PDS5B: variants seen among roughly 807,000 people sequenced by gnomAD.
PDS5B encodes PDS5 cohesin associated factor B, also known as sister chromatid cohesion protein PDS5 homolog B.
Under a neutral mutation model 184.1 loss-of-function variants are expected in PDS5B, and 51 were observed. That is an observed-to-expected ratio of 0.28 (90% CI 0.22 to 0.35). The LOEUF is 0.35. PDS5B is among the 10% of genes least tolerant of loss of function. PDS5B has a pLI of 1.00. For missense variants in PDS5B, 1,180 were observed against 1,723.3 expected (o/e 0.68, Z 5.58); for synonymous variants, 566 against 569.2 (o/e 0.99, Z 0.08).
In PDS5B at chr13:32,696,812, G is replaced by GT. The variant is rs760388414; in HGVS notation, c.1552-40dup. On this transcript the variant is annotated intron_variant, in intron 14 of 34. Coordinates refer to ENST00000315596, the MANE Select transcript of PDS5B (RefSeq NM_015032.4). ...TTGCAGAGTATGATGAAGTTTTCTT[G>GT]TTAGGGAATTTTAATTTTGCATTTT... 6.0e-5 allele frequency: 87 copies of GT among 1,454,152 alleles called. No individual in the cohort carries two copies. In the African/African-American group the frequency reaches 9.5e-4, roughly 16 times the overall value. 90.1% of individuals were successfully genotyped at this position (1,454,152 alleles called of 1,614,324 possible).
At chr13:32,615,427 C>T (rs1347719031) in intron 1 of PDS5B, among the ~76,000 whole-genome samples, 1 of 149,484 alleles carries the variant, frequency 6.7e-6, no homozygotes, top group East Asian at 1.9e-4. Context: ...AGGAAGATCC[C>T]TGGTATACAA....
intron 1 of PDS5B, among the ~76,000 whole-genome samples, chr13:32,606,323 T>C (rs920611284): frequency 2.0e-5 from 3 of 152,212 alleles, no homozygotes; most frequent in Non-Finnish European, 4.4e-5. Flanking sequence ...CCTTCACTTA[T>C]GAAGCTTAGT....
chr13:32,590,089 T>C (rs558860474), intron 1 of PDS5B, among the ~76,000 whole-genome samples: 113 of 152,344 alleles, frequency 7.4e-4, no homozygotes, highest in African/African-American at 2.5e-3. Context: ...CTTTGAGGTT[T>C]AAAAAGTATA....
chr13:32,597,674 T>A (rs2057899573), intron 1 of PDS5B, among the ~76,000 whole-genome samples: 1 of 151,788 alleles, frequency 6.6e-6, no homozygotes, highest in African/African-American at 2.4e-5. Flanking sequence ...GGTGAAACCC[T>A]GTCTCTACTA....
chr13:32,764,683 A>G (rs1041913426), intron 31 of PDS5B, 89 bp downstream of exon 31: 7 of 627,708 alleles, frequency 1.1e-5, no homozygotes, highest in African/African-American at 1.9e-5. Flanking sequence ...TGACTATCAA[A>G]TTTACATTTT....
At chr13:32,627,399 C>G (rs899413020) in intron 1 of PDS5B, among the ~76,000 whole-genome samples, 1 of 152,178 alleles carries the variant, frequency 6.6e-6, no homozygotes, top group Non-Finnish European at 1.5e-5. Context: ...TTATTTGCAT[C>G]TCACAAGACA....
At chr13:32,667,871 A>G (rs1950842598) in intron 7 of PDS5B, 27 bp downstream of exon 7, 8 of 1,362,388 alleles carry the variant, frequency 5.9e-6, no homozygotes, top group Non-Finnish European at 7.1e-6. Flanking sequence ...ATTGGTTGTC[A>G]GAAGGATTAA....
At chr13:32,670,320 G>A (rs149621247) in intron 7 of PDS5B, among the ~76,000 whole-genome samples, 1 of 152,068 alleles carries the variant, frequency 6.6e-6, no homozygotes, top group African/African-American at 2.4e-5. Flanking sequence ...AGGCTCAAGT[G>A]ATCCTCTCAC....
intron 1 of PDS5B, among the ~76,000 whole-genome samples, chr13:32,610,646 A>T (rs544007225): frequency 6.6e-6 from 1 of 151,200 alleles, no homozygotes; most frequent in African/African-American, 2.4e-5. Context: ...TAAAAATCTA[A>T]TTTTTTCCTT....
intron 10 of PDS5B, among the ~76,000 whole-genome samples, chr13:32,681,625 C>CAA (rs1215027589): frequency 7.4e-6 from 1 of 135,048 alleles, no homozygotes. Flanking sequence ...GACTCAGTCT[C>CAA]AAAAAAAAAA....
intron 1 of PDS5B, among the ~76,000 whole-genome samples, chr13:32,632,004 A>C (rs2058463724): frequency 6.6e-6 from 1 of 152,196 alleles, no homozygotes; most frequent in Non-Finnish European, 1.5e-5. Flanking sequence ...GGACAACTGG[A>C]TTTCCACATG....
In PDS5B at chr13:32,736,111, T is replaced by G. The variant is rs1953319671; in HGVS notation, c.2406+781T>G. 3.3e-5 allele frequency among the ~76,000 whole-genome samples: 5 copies of G among 152,304 alleles called. No individual in the cohort carries two copies. In the South Asian group the frequency reaches 1.0e-3, roughly 32 times the overall value. On this transcript the variant is annotated intron_variant, in intron 21 of 34. Coordinates refer to ENST00000315596, the MANE Select transcript of PDS5B (RefSeq NM_015032.4). Reference sequence around the variant, plus strand: ...AACTTTCAGTATAGCACAAGGAACTTCAAAATACTTTAATTCCTTTTATTC... The same window carrying G: ...AACTTTCAGTATAGCACAAGGAACTGCAAAATACTTTAATTCCTTTTATTC...
In PDS5B at chr13:32,732,363, T is replaced by C. The variant is rs58963469; in HGVS notation, c.2247+139T>C. The C allele has an allele frequency of 1.4e-3, 882 of 627,798 alleles. 3 individuals are homozygous for C. In the African/African-American group the frequency reaches 0.015, roughly 10 times the overall value. The allele number at this position is 627,798 out of a possible 1,614,324, so 38.9% of individuals were successfully genotyped here. ...AGAATTTGAATCAGTAAAATCAACA[T>C]TGATAAGTGTTAAAATATGAAAATA... On this transcript the variant is annotated intron_variant, in intron 20 of 34. Transcript: ENST00000315596.
chr13:32,679,079 GA>G, intron 10 of PDS5B, 150 bp downstream of exon 10: 3 of 437,636 alleles, frequency 6.9e-6, no homozygotes, highest in Non-Finnish European at 1.2e-5. Flanking sequence ...TCTGAAGCTA[GA>G]TTTTTTTTTT....
In PDS5B at chr13:32,685,791, T is replaced by C. The variant is rs894560731; in HGVS notation, c.1204-1343T>C. 9.2e-5 allele frequency among the ~76,000 whole-genome samples: 14 copies of C among 152,056 alleles called. No individual in the cohort carries two copies. The East Asian group carries it at 2.7e-3, about 29-fold the overall frequency. On this transcript the variant is annotated intron_variant, in intron 11 of 34. Coordinates refer to ENST00000315596, the MANE Select transcript of PDS5B (RefSeq NM_015032.4). Reference sequence around the variant, plus strand: ...CTGAGTAGGTGGTACTACAGGCACATCCCACTATGCCTGGCCAATTTTTTT... The same window carrying C: ...CTGAGTAGGTGGTACTACAGGCACACCCCACTATGCCTGGCCAATTTTTTT...
chr13:32,617,139 C>T (rs1008027415), intron 1 of PDS5B, among the ~76,000 whole-genome samples: 1 of 152,178 alleles, frequency 6.6e-6, no homozygotes, highest in Non-Finnish European at 1.5e-5. Flanking sequence ...GGTCAGACCA[C>T]CTCTGAATAA....
chr13:32,733,980 A>G (rs1381971941), intron 20 of PDS5B, among the ~76,000 whole-genome samples: 2 of 137,404 alleles, frequency 1.5e-5, no homozygotes, highest in African/African-American at 5.4e-5. Flanking sequence ...GATTTCAAAA[A>G]TTAAAACACA....
chr13:32,623,624 G>T (rs543597181), intron 1 of PDS5B, among the ~76,000 whole-genome samples: 2 of 152,092 alleles, frequency 1.3e-5, no homozygotes, highest in African/African-American at 4.8e-5. Context: ...TTATAATTTC[G>T]CAAGGCAGGT....
Position 32,694,298 on chromosome 13 carries a change from A to T in PDS5B, c.1545A>T (p.Gln515His). The T allele has an allele frequency of 6.3e-7, 1 of 1,586,472 alleles. No homozygotes were observed. Among genetic ancestry groups the T allele is most frequent in the East Asian group, 2.3e-5 (1 of 44,074 alleles). The change falls in exon 14 of 35, where the codon CAA becomes CAT. Residue 515 changes from glutamine to histidine, a missense_variant. This residue lies in a region of PDS5B where 475 missense variants were observed against 691.5 expected (regional missense o/e 0.69). Coordinates refer to ENST00000315596, the MANE Select transcript of PDS5B (RefSeq NM_015032.4). ...QVKDLLDLIK[Q>H]PKTDASVKAI... is the part of the protein sequence containing the mutation. ...AGGATTTGCTTGACTTGATTAAGCA[A>T]CCCAAAGTAAGTAAGAATTTTTTCC...
Sources: gnomAD v4.1 joint callset for allele counts (sites outside exome capture counted in the v4.1 genomes callset) on GRCh38, gnomAD v4.1.1 for gene constraint, gnomAD v4.1.1 regional missense constraint, MANE v1.5 for transcripts, NCBI Gene and HGNC (gene_info 2026-07-23, HGNC 2026-07-21) for gene names.